Variants in C3orf20 observed in about 807,000 individuals in gnomAD.
C3orf20 encodes family with sequence similarity 149 member C.
In C3orf20, 76 loss-of-function variants were observed where a neutral mutation model predicts 88.3. The ratio of observed to expected loss-of-function variants is 0.86; its 90% CI spans 0.72 to 1.04. The LOEUF (loss-of-function observed/expected upper bound fraction) is 1.04. Ranked by LOEUF, C3orf20 falls within the 50% of genes least tolerant of loss-of-function variation. The pLI is 0.00. For synonymous variants in C3orf20, 436 were observed against 437.4 expected, an observed-to-expected ratio of 1.00 and a Z score of 0.04; for missense variants, 1,056 against 1,123.3, an observed-to-expected ratio of 0.94 and a Z score of 0.86.
chr3:14,730,999 G>T (rs920461676), intron 12 of C3orf20, among the ~76,000 whole-genome samples: 2 of 152,158 alleles, frequency 1.3e-5, no homozygotes, highest in African/African-American at 4.8e-5. Flanking sequence ...CACAGTGGAT[G>T]TCTGAAACTG....
At chr3:14,729,669 C>T (rs772540074) in intron 12 of C3orf20, among the ~76,000 whole-genome samples, 7 of 152,298 alleles carry the variant, frequency 4.6e-5, no homozygotes, top group African/African-American at 2.4e-5. Context: ...GCCTCAGCTT[C>T]CCTAGTGCTG....
rs1281443776 is a variant in C3orf20 at position 14,704,433 on chromosome 3, C to T, written c.975C>T (p.Ala325=). ...AGATGCCCTCTCATCTAATGTTGGCCCGCAAAGGAGACTCTCAGACCCCGG... is the reference window on the plus strand; with the variant it reads ...AGATGCCCTCTCATCTAATGTTGGCTCGCAAAGGAGACTCTCAGACCCCGG... ...KAKMPSHLML[A]RKGDSQTPGL... is the part of the protein sequence containing the mutation. The change falls in exon 7 of 17, where the codon GCC becomes GCT. Residue 325 remains alanine, a synonymous_variant. Transcript: ENST00000253697. 6.2e-7 allele frequency: 1 copy of T among 1,613,980 alleles called. No homozygotes were observed.
intron 15 of C3orf20, among the ~76,000 whole-genome samples, chr3:14,770,819 C>T (rs1243951674): frequency 6.6e-6 from 1 of 152,216 alleles, no homozygotes; most frequent in Non-Finnish European, 1.5e-5. Flanking sequence ...CTCTGGACTT[C>T]GGGGCCCTTG....
intron 9 of C3orf20, among the ~76,000 whole-genome samples, chr3:14,718,917 C>A (rs1221207045): frequency 2.0e-5 from 3 of 152,202 alleles, no homozygotes; most frequent in Non-Finnish European, 4.4e-5. Context: ...TTCTGGAATT[C>A]TTTCTACACT....
intron 15 of C3orf20, among the ~76,000 whole-genome samples, chr3:14,769,910 G>A (rs2035814162): frequency 6.6e-6 from 1 of 151,948 alleles, no homozygotes; most frequent in African/African-American, 2.4e-5. Flanking sequence ...CTGAGCTCAG[G>A]GAGGAGGTGC....
At chr3:14,692,536 T>G (rs1196708031) in intron 5 of C3orf20, among the ~76,000 whole-genome samples, 1 of 152,240 alleles carries the variant, frequency 6.6e-6, no homozygotes, top group Middle Eastern at 3.2e-3. Context: ...TTGCCATTTG[T>G]ATGTCTTTTT....
intron 5 of C3orf20, among the ~76,000 whole-genome samples, chr3:14,697,961 A>G (rs950976758): frequency 6.6e-6 from 1 of 152,166 alleles, no homozygotes; most frequent in Non-Finnish European, 1.5e-5. Flanking sequence ...TCTATCACTG[A>G]TGGACATTTG....
At chr3:14,710,891 C>A (rs1056285036) in intron 7 of C3orf20, among the ~76,000 whole-genome samples, 1 of 94,204 alleles carries the variant, frequency 1.1e-5, no homozygotes, top group Non-Finnish European at 2.1e-5. Context: ...TTCTTTCTTT[C>A]TTTTTCTTTT....
At chr3:14,688,044 G>T (rs762902296) in intron 4 of C3orf20, among the ~76,000 whole-genome samples, 1 of 152,146 alleles carries the variant, frequency 6.6e-6, no homozygotes, top group African/African-American at 2.4e-5. Flanking sequence ...AAACAAAAAC[G>T]AAGGAGTGAT....
intron 1 of C3orf20, among the ~76,000 whole-genome samples, 174 bp downstream of exon 1, chr3:14,675,426 A>G (rs1170766263): frequency 1.3e-5 from 2 of 152,186 alleles, no homozygotes; most frequent in African/African-American, 4.8e-5. Flanking sequence ...GCGAGAGGCC[A>G]GGAATGATAT....
At position 14,704,457 on chromosome 3, in the gene C3orf20, G is replaced by A. The variant is rs369151755; in HGVS notation, c.999G>A (p.Pro333=). The change falls in exon 7 of 17, where the codon CCG becomes CCA. Residue 333 remains proline, a synonymous_variant. Coordinates refer to ENST00000253697, the MANE Select transcript of C3orf20 (RefSeq NM_032137.5). ...CCCGCAAAGGAGACTCTCAGACCCC[G>A]GGTTTACATTACCCTCCCACTGCAG... The part of the protein sequence containing the change: ...MLARKGDSQT[P]GLHYPPTAGA... The A allele has an allele frequency of 1.8e-5, 29 of 1,613,932 alleles. No individual in the cohort carries two copies. The highest frequency in any genetic ancestry group is 3.3e-5 in the South Asian group (3 of 91,076).
rs1415482335 is a variant in C3orf20, at chr3:14,763,064, C to T, written c.2495+1449C>T. On this transcript the variant is annotated intron_variant, in intron 15 of 16. Transcript: ENST00000253697. Reference sequence around the variant, plus strand: ...GAGAGGGCTTGGTGGTCCTTGAAGACCAGTCACCAACAATCCCAGGGAGAA... The same window carrying T: ...GAGAGGGCTTGGTGGTCCTTGAAGATCAGTCACCAACAATCCCAGGGAGAA... 3.3e-5 allele frequency among the ~76,000 whole-genome samples: 5 copies of T among 152,224 alleles called. No individual in the cohort carries two copies. The South Asian group carries it at 8.3e-4, about 25-fold the overall frequency.
At chr3:14,733,982 C>A (rs1416880159) in intron 12 of C3orf20, among the ~76,000 whole-genome samples, 1 of 152,214 alleles carries the variant, frequency 6.6e-6, no homozygotes, top group Non-Finnish European at 1.5e-5. Flanking sequence ...CCACTGCACC[C>A]AGCCTATGTT....
intron 12 of C3orf20, among the ~76,000 whole-genome samples, chr3:14,751,135 A>G (rs1488631455): frequency 2.0e-5 from 3 of 152,212 alleles, no homozygotes; most frequent in African/African-American, 4.8e-5. Flanking sequence ...CTGATTGATT[A>G]CTTTTCATAA....
chr3:14,732,975 T>G (rs1022008271), intron 12 of C3orf20, among the ~76,000 whole-genome samples: 3 of 152,240 alleles, frequency 2.0e-5, no homozygotes, highest in Admixed American at 2.0e-4. Context: ...CTCCATTAAA[T>G]TATCTTTGCA....
intron 5 of C3orf20, among the ~76,000 whole-genome samples, chr3:14,691,207 C>G (rs891167107): frequency 6.6e-6 from 1 of 152,204 alleles, no homozygotes; most frequent in African/African-American, 2.4e-5. Flanking sequence ...GTAGCTTCAG[C>G]GGCCGCCACA....
At chr3:14,744,917 A>G (rs1181565615) in intron 12 of C3orf20, among the ~76,000 whole-genome samples, 1 of 152,192 alleles carries the variant, frequency 6.6e-6, no homozygotes, top group Admixed American at 6.5e-5. Context: ...GCCAAACCAT[A>G]TCATTGGTGT....
chr3:14,759,821 G>A (rs1009550582), intron 13 of C3orf20, 70 bp from the exon 14 acceptor site: 84 of 1,342,760 alleles, frequency 6.3e-5, no homozygotes, highest in South Asian at 4.2e-4. Context: ...AGGCCTAGCC[G>A]AGAATATGGC....
chr3:14,677,247 C>CA (rs1321802163), intron 1 of C3orf20, among the ~76,000 whole-genome samples: 1 of 152,054 alleles, frequency 6.6e-6, no homozygotes, highest in African/African-American at 2.4e-5. Flanking sequence ...ATACTTTGAC[C>CA]AAAAAATGTG....
Sources: allele counts gnomAD v4.1 joint callset (sites outside exome capture counted in the v4.1 genomes callset), GRCh38; gene constraint gnomAD v4.1.1; transcripts MANE v1.5; gene names NCBI Gene and HGNC (gene_info 2026-07-23, HGNC 2026-07-21).